The following HGSNAT variants were observed in gnomAD, a reference collection of about 807,000 sequenced individuals.
HGSNAT encodes the protein heparan-alpha-glucosaminide N-acetyltransferase.
A neutral mutation model predicts 85.2 loss-of-function variants in HGSNAT; 59 were observed. The observed-to-expected ratio is 0.69, with a 90% confidence interval of 0.56 to 0.86. The LOEUF is 0.86. Among genes scored for constraint, HGSNAT ranks in the 40% least tolerant of loss-of-function variants. HGSNAT has a pLI of 0.00. For missense variants in HGSNAT, 756 were observed against 777.1 expected, an observed-to-expected ratio of 0.97 and a Z score of 0.32; for synonymous variants, 321 against 304.5, an observed-to-expected ratio of 1.05 and a Z score of -0.56.
chr8:43,182,882 TTA>T (rs1804179714), intron 11 of HGSNAT, among the ~76,000 whole-genome samples: 1 of 152,246 alleles, frequency 6.6e-6, no homozygotes, highest in African/African-American at 2.4e-5. Context: ...TTTTTAATCT[TTA>T]TGTCAATTTT....
At chr8:43,197,245 T>C in intron 15 of HGSNAT, 1 of 583,150 alleles carries the variant, frequency 1.7e-6, no homozygotes, top group South Asian at 2.1e-5. Context: ...GTGTTTGCCA[T>C]CAGATAGCCA....
intron 8 of HGSNAT, 150 bp from the exon 9 acceptor site, chr8:43,173,563 G>T: frequency 1.2e-6 from 1 of 800,826 alleles, no homozygotes; most frequent in Non-Finnish European, 2.1e-6. Context: ...GCTCGCCTCG[G>T]CCCCCACAAA....
chr8:43,141,825 C>T (rs1390396346), intron 1 of HGSNAT, among the ~76,000 whole-genome samples: 1 of 152,080 alleles, frequency 6.6e-6, no homozygotes, highest in Non-Finnish European at 1.5e-5. Flanking sequence ...ATGTAATCTG[C>T]CTGATCACAA....
At chr8:43,191,793 T>C (rs1336977026) in intron 12 of HGSNAT, among the ~76,000 whole-genome samples, 198 bp downstream of exon 12, 1 of 152,146 alleles carries the variant, frequency 6.6e-6, no homozygotes, top group Non-Finnish European at 1.5e-5. Flanking sequence ...TCAGCTTGAA[T>C]AGAATTCGGG....
chr8:43,189,778 A>G (rs1162046773), intron 11 of HGSNAT, among the ~76,000 whole-genome samples: 1 of 152,168 alleles, frequency 6.6e-6, no homozygotes, highest in Non-Finnish European at 1.5e-5. Context: ...TGTATTTTTT[A>G]GTAGAGATGG....
intron 4 of HGSNAT, among the ~76,000 whole-genome samples, chr8:43,160,614 T>G (rs752598555): frequency 3.3e-5 from 5 of 152,246 alleles, no homozygotes; most frequent in Admixed American, 6.5e-5. Context: ...AACCCTAAAC[T>G]GTAAAATCAC....
At chr8:43,165,734 C>T (rs574230952) in intron 5 of HGSNAT, among the ~76,000 whole-genome samples, 16 of 152,152 alleles carry the variant, frequency 1.1e-4, no homozygotes, top group Non-Finnish European at 1.9e-4. Context: ...GCTAGGAGTT[C>T]GAGACCAGCC....
At chr8:43,182,412 A>T in intron 11 of HGSNAT, 152 bp downstream of exon 11, 1 of 725,862 alleles carries the variant, frequency 1.4e-6, no homozygotes, top group Non-Finnish European at 2.5e-6. Flanking sequence ...CGCCGGGATT[A>T]CAGGTGTGAG....
chr8:43,182,274 T>A lies in HGSNAT; in HGVS notation c.1128+14T>A, dbSNP rs1254571685. 1 of 1,594,414 alleles carries A rather than the reference T, an allele frequency of 6.3e-7. No homozygotes were observed. The highest frequency in any genetic ancestry group is 1.1e-5 in the South Asian group (1 of 90,606). On this transcript the variant is annotated intron_variant, in intron 11 of 17. Coordinates refer to ENST00000379644, the MANE Select transcript of HGSNAT (RefSeq NM_152419.3). ...CATTGTGCCTCGGTGAGAAACCATGTTTTAATTAAGAAAAACTTTTTTTAA... is the reference window on the plus strand; with the variant it reads ...CATTGTGCCTCGGTGAGAAACCATGATTTAATTAAGAAAAACTTTTTTTAA...
At chr8:43,195,245 C>G (rs1287055166) in intron 14 of HGSNAT, among the ~76,000 whole-genome samples, 1 of 152,116 alleles carries the variant, frequency 6.6e-6, no homozygotes, top group Non-Finnish European at 1.5e-5. Context: ...TCCCCCAAAA[C>G]TTAAACACTA....
chr8:43,194,899 G>C (rs547678311), intron 14 of HGSNAT, among the ~76,000 whole-genome samples: 1 of 152,232 alleles, frequency 6.6e-6, no homozygotes, highest in Non-Finnish European at 1.5e-5. Context: ...GAATCTACTG[G>C]TGCCTTGATC....
intron 10 of HGSNAT, among the ~76,000 whole-genome samples, chr8:43,180,093 G>A (rs1407769947): frequency 2.7e-5 from 2 of 73,784 alleles, no homozygotes; most frequent in African/African-American, 8.8e-5. Flanking sequence ...CGGACGGGGC[G>A]GCTGGCCGAC....
At chr8:43,150,395 G>A (rs916412932) in intron 2 of HGSNAT, among the ~76,000 whole-genome samples, 6 of 152,194 alleles carry the variant, frequency 3.9e-5, no homozygotes, top group Non-Finnish European at 8.8e-5. Context: ...GGAGGCCAAG[G>A]TGAGAGGATC....
chr8:43,159,974 G>T (rs768837771), intron 4 of HGSNAT, among the ~76,000 whole-genome samples: 2 of 152,170 alleles, frequency 1.3e-5, no homozygotes, highest in Non-Finnish European at 2.9e-5. Context: ...CGCAGGAGCC[G>T]ATATGAAAGG....
At chr8:43,191,731 G>T (rs1804536276) in intron 12 of HGSNAT, 136 bp downstream of exon 12, 2 of 1,123,730 alleles carry the variant, frequency 1.8e-6, no homozygotes, top group African/African-American at 1.6e-5. Flanking sequence ...TTTGCATGGG[G>T]AGAGGAGATT....
At position 43,188,205 on chromosome 8, in the gene HGSNAT, G is replaced by A. The variant is rs149385157; in HGVS notation, c.1129-3269G>A. The stretch of plus-strand genomic sequence containing the variant: ...ATGTTGGCCTGCCTTGCTGGGTTGC[G>A]GAAGTTCTCCTAGATAATATCCTGA... On this transcript the variant is annotated intron_variant, in intron 11 of 17. Transcript: ENST00000379644. Among the ~76,000 whole-genome samples the A allele has an allele frequency of 1.7e-3, 261 of 152,194 alleles. 1 individual carries two copies. The highest frequency in any genetic ancestry group is 6.0e-3 in the African/African-American group (250 of 41,520).
Position 43,199,709 on chromosome 8 carries a change from C to G in HGSNAT, c.*140C>G. The G allele has an allele frequency of 1.9e-6, 1 of 533,536 alleles. No homozygotes were observed. The highest frequency in any genetic ancestry group is 3.9e-5 in the Admixed American group (1 of 25,496). 33.1% of individuals were successfully genotyped at this position (533,536 alleles called of 1,614,324 possible). On this transcript the variant is annotated 3_prime_UTR_variant, in exon 18 of 18. Coordinates refer to ENST00000379644, the MANE Select transcript of HGSNAT (RefSeq NM_152419.3). ...GACTCTGGGGGAAGACACTGATGTC[C>G]TCAAACTGGTTAACTGTGACACGGC... is the stretch of plus-strand genomic sequence containing the variant.
Position 43,146,933 on chromosome 8 carries a change from C to A in HGSNAT, c.119-15C>A. 2.9e-6 allele frequency: 4 copies of A among 1,396,074 alleles called. No homozygotes were observed. The highest frequency in any genetic ancestry group is 2.9e-6 in the Non-Finnish European group (3 of 1,021,912). The allele number at this position is 1,396,074 out of a possible 1,614,324, so 86.5% of individuals were successfully genotyped here. On this transcript the variant is annotated splice_polypyrimidine_tract_variant and intron_variant, in intron 1 of 17. Transcript: ENST00000379644. ...CCTTTTTTTTTTTTTTTTAACTTTT[C>A]CTAATTTCTACCAGACTTAGACAAA...
chr8:43,197,824 C>T lies in HGSNAT; in HGVS notation c.1614-16C>T. 5 of 1,608,534 alleles carry T rather than the reference C, an allele frequency of 3.1e-6. No homozygotes were observed. The highest frequency in any genetic ancestry group is 1.1e-5 in the South Asian group (1 of 90,990). On this transcript the variant is annotated splice_polypyrimidine_tract_variant and intron_variant, in intron 16 of 17. Transcript: ENST00000379644. ...GTTCCGTACGAGCACTGAAACGTCTCCTCCACCCCTCCCAGGTCCCTTTCG... is the reference window on the plus strand; with the variant it reads ...GTTCCGTACGAGCACTGAAACGTCTTCTCCACCCCTCCCAGGTCCCTTTCG...
Sources: allele counts gnomAD v4.1 joint callset (sites outside exome capture counted in the v4.1 genomes callset), GRCh38; gene constraint gnomAD v4.1.1; transcripts MANE v1.5; gene names NCBI Gene and HGNC (gene_info 2026-07-23, HGNC 2026-07-21).